ARHGAP25: variants seen among roughly 807,000 people sequenced by gnomAD.
The protein encoded by ARHGAP25 is Rho GTPase activating protein 25, also known as rho GTPase-activating protein 25.
In ARHGAP25, 34 loss-of-function variants were observed where a neutral mutation model predicts 71.0. The ratio of observed to expected loss-of-function variants is 0.48; its 90% CI spans 0.36 to 0.64. The LOEUF (loss-of-function observed/expected upper bound fraction) is 0.64, where lower values mean the gene tolerates loss of function less well. ARHGAP25 is among the 30% of genes least tolerant of loss of function. ARHGAP25 has a pLI of 0.00. For synonymous variants in ARHGAP25, 282 were observed against 296.5 expected, an observed-to-expected ratio of 0.95 and a Z score of 0.50; for missense variants, 706 against 805.1, an observed-to-expected ratio of 0.88 and a Z score of 1.49.
intron 2 of ARHGAP25, among the ~76,000 whole-genome samples, chr2:68,710,868 C>A (rs895324839): frequency 1.3e-5 from 2 of 152,144 alleles, no homozygotes; most frequent in Admixed American, 6.6e-5. Context: ...AAATTGGCTT[C>A]AACTCTCTAA....
At chr2:68,717,501 T>G (rs1176815070) in intron 2 of ARHGAP25, among the ~76,000 whole-genome samples, 2 of 152,204 alleles carry the variant, frequency 1.3e-5, no homozygotes, top group African/African-American at 4.8e-5. Flanking sequence ...GATAACTTAA[T>G]CACAGCCTCT....
chr2:68,771,231 C>T (rs904538143), intron 1 of ARHGAP25, among the ~76,000 whole-genome samples: 3 of 152,084 alleles, frequency 2.0e-5, no homozygotes, highest in Admixed American at 6.5e-5. Flanking sequence ...TTCTCACTTG[C>T]CCCAAGGTGT....
At position 68,826,352 on chromosome 2, in the gene ARHGAP25, C is replaced by G; in HGVS notation, c.*158C>G. On this transcript the variant is annotated 3_prime_UTR_variant, in exon 11 of 11. Transcript: ENST00000409202. ...CCCATAAATAAATGAATGGAGTTTG[C>G]AGGAAGGTGAGGGTGAGCAGAGATG... 1.3e-6 allele frequency: 1 copy of G among 759,350 alleles called. No homozygotes were observed. The highest frequency in any genetic ancestry group is 1.5e-5 in the South Asian group (1 of 67,800). The allele number at this position is 759,350 out of a possible 1,614,324, so 47.0% of individuals were successfully genotyped here.
At chr2:68,736,325 C>T (rs1347726384) in intron 1 of ARHGAP25, among the ~76,000 whole-genome samples, 1 of 152,136 alleles carries the variant, frequency 6.6e-6, no homozygotes, top group East Asian at 1.9e-4. Context: ...CCTAATCAAG[C>T]TGTGAATGAT....
At chr2:68,825,209 T>A (rs1456162038) in intron 10 of ARHGAP25, among the ~76,000 whole-genome samples, 1 of 152,108 alleles carries the variant, frequency 6.6e-6, no homozygotes, top group Non-Finnish European at 1.5e-5. Flanking sequence ...CAAATCTTGG[T>A]CCCCAGGAGA....
At chr2:68,812,711 C>T (rs751391713) in intron 5 of ARHGAP25, among the ~76,000 whole-genome samples, 1 of 152,194 alleles carries the variant, frequency 6.6e-6, no homozygotes, top group Non-Finnish European at 1.5e-5. Flanking sequence ...GCCAGGGCTC[C>T]ATCCCTGGAT....
intron 1 of ARHGAP25, among the ~76,000 whole-genome samples, chr2:68,739,470 T>G (rs964678031): frequency 6.6e-6 from 1 of 152,288 alleles, no homozygotes; most frequent in African/African-American, 2.4e-5. Context: ...TCCTTTTGAG[T>G]AAGGCCCACT....
intron 2 of ARHGAP25, among the ~76,000 whole-genome samples, chr2:68,725,557 C>T (rs1390725779): frequency 6.6e-6 from 1 of 152,014 alleles, no homozygotes; most frequent in East Asian, 1.9e-4. Flanking sequence ...TTTAGAATTC[C>T]TGGGCTCAAG....
At chr2:68,739,277 A>G (rs866789700) in intron 1 of ARHGAP25, among the ~76,000 whole-genome samples, 2 of 152,224 alleles carry the variant, frequency 1.3e-5, no homozygotes, top group South Asian at 2.1e-4. Flanking sequence ...CTTATTGCCT[A>G]TGTGTCTGAA....
rs190925614 is a variant in ARHGAP25, at chr2:68,754,241, A to G, written c.61+18981A>G. ...GTAAAAAAATTTTCTCCTCTCATCT[A>G]TTTCTAGTCAGCCCCTCTCACCCAG... On this transcript the variant is annotated intron_variant, in intron 1 of 10. Coordinates refer to ENST00000409202, the MANE Select transcript of ARHGAP25 (RefSeq NM_001007231.3). Among the ~76,000 whole-genome samples the G allele has an allele frequency of 3.1e-3, 475 of 152,162 alleles. 3 individuals carry two copies. The highest frequency in any genetic ancestry group is 0.011 in the African/African-American group (457 of 41,502).
chr2:68,739,695 C>T lies in ARHGAP25; in HGVS notation c.61+4435C>T, dbSNP rs545174673. On this transcript the variant is annotated intron_variant, in intron 1 of 10. Transcript: ENST00000409202. ...CACAGCAATTGAGACCAAATAGTAC[C>T]GGAAGAGCATGACGGAGAGCCACAG... is the stretch of plus-strand genomic sequence containing the variant. Among the ~76,000 whole-genome samples the T allele has an allele frequency of 3.3e-5, 5 of 152,138 alleles. No homozygotes were observed. The South Asian group carries it at 8.3e-4, about 25-fold the overall frequency.
chr2:68,786,657 GAT>G (rs1365994352), intron 3 of ARHGAP25, among the ~76,000 whole-genome samples: 4 of 152,188 alleles, frequency 2.6e-5, no homozygotes, highest in Non-Finnish European at 2.9e-5. Flanking sequence ...CTAATGACAA[GAT>G]GGAGTCAGAA....
intron 1 of ARHGAP25, among the ~76,000 whole-genome samples, chr2:68,766,447 A>T (rs1195026932): frequency 6.6e-6 from 1 of 152,156 alleles, no homozygotes; most frequent in East Asian, 1.9e-4. Context: ...GCTTCCTGTT[A>T]TGCAGAGACA....
chr2:68,756,934 A>G (rs1023362430), intron 1 of ARHGAP25, among the ~76,000 whole-genome samples: 1 of 152,172 alleles, frequency 6.6e-6, no homozygotes, highest in Non-Finnish European at 1.5e-5. Flanking sequence ...AAAATGGTGT[A>G]TGCATTAAAT....
chr2:68,790,938 C>T (rs577807104), intron 4 of ARHGAP25, among the ~76,000 whole-genome samples: 17 of 152,270 alleles, frequency 1.1e-4, no homozygotes, highest in African/African-American at 3.6e-4. Flanking sequence ...GACCTTCTCC[C>T]GTGCTCATTT....
At chr2:68,798,531 CAA>C (rs1172427673) in intron 4 of ARHGAP25, among the ~76,000 whole-genome samples, 12 of 149,452 alleles carry the variant, frequency 8.0e-5, no homozygotes, top group Non-Finnish European at 1.8e-4. Flanking sequence ...AAAAAAAAGC[CAA>C]AGTCTTTTCT....
chr2:68,779,192 G>C (rs575458901), intron 2 of ARHGAP25, among the ~76,000 whole-genome samples: 3 of 152,162 alleles, frequency 2.0e-5, no homozygotes, highest in African/African-American at 7.2e-5. Flanking sequence ...TCTGATGGGA[G>C]AGCCGATTGA....
intron 2 of ARHGAP25, among the ~76,000 whole-genome samples, chr2:68,776,677 C>T (rs1417939285): frequency 2.0e-5 from 3 of 152,022 alleles, no homozygotes; most frequent in Non-Finnish European, 4.4e-5. Context: ...ACGCCAGGAC[C>T]CCAGGTGCAA....
At position 68,813,420 on chromosome 2, in the gene ARHGAP25, G is replaced by A; in HGVS notation, c.807+1G>A. ...GCTCACGAATGCGGATGAGGCAAAG[G>A]TTTGCATCTTAGAGTTAGTTGTCCT... On this transcript the variant is annotated splice_donor_variant, in intron 6 of 10. Coordinates refer to ENST00000409202, the MANE Select transcript of ARHGAP25 (RefSeq NM_001007231.3). LOFTEE classifies it high-confidence loss of function. 6.2e-7 allele frequency: 1 copy of A among 1,610,978 alleles called. No individual in the cohort carries two copies. Among genetic ancestry groups the A allele is most frequent in the Non-Finnish European group, 8.5e-7 (1 of 1,179,154 alleles).
Sources: allele counts gnomAD v4.1 joint callset (sites outside exome capture counted in the v4.1 genomes callset), GRCh38; gene constraint gnomAD v4.1.1; transcripts MANE v1.5; gene names NCBI Gene and HGNC (gene_info 2026-07-23, HGNC 2026-07-21).